Variants in SAR1B observed in about 807,000 individuals in gnomAD.
The protein encoded by SAR1B is secretion associated Ras related GTPase 1B, also known as small COPII coat GTPase SAR1B.
SAR1B carries 23 observed loss-of-function variants against 26.8 expected under a neutral mutation model. The observed-to-expected ratio is 0.86, with a 90% CI of 0.62 to 1.22. SAR1B has a LOEUF of 1.22. Ranked by LOEUF, SAR1B falls within the 50% of genes most tolerant of loss-of-function variation. SAR1B has a pLI of 0.00. For missense variants in SAR1B, 196 were observed against 232.8 expected (o/e 0.84, Z 1.03); for synonymous variants, 65 against 80.8 (o/e 0.80, Z 1.05).
In SAR1B at chr5:134,608,467, T is replaced by C. The variant is rs145826387; in HGVS notation, c.385A>G (p.Ile129Val). Residue 129 changes from isoleucine to valine, a missense_variant, in exon 6 of 7, where the codon ATA (isoleucine) becomes GTA (valine). Transcript: ENST00000402673. Reference sequence around the variant, plus strand: ...TCGATCTTATTCCCAAGAATCAGTATAGGCACATTAGCAATGGTTTCATCT... The same window carrying C: ...TCGATCTTATTCCCAAGAATCAGTACAGGCACATTAGCAATGGTTTCATCT... ...MTDETIANVPILILGNKIDRP... is the reference protein window; with the variant it reads ...MTDETIANVPVLILGNKIDRP... The C allele has an allele frequency of 7.4e-6, 12 of 1,612,424 alleles. No individual in the cohort carries two copies. The African/African-American group carries it at 1.3e-4, about 18-fold the overall frequency.
intron 1 of SAR1B, among the ~76,000 whole-genome samples, chr5:134,628,432 G>C (rs1378987093): frequency 6.6e-6 from 1 of 152,204 alleles, no homozygotes; most frequent in East Asian, 1.9e-4. Flanking sequence ...TATGACATCA[G>C]AGTATGATTG....
At chr5:134,615,603 CA>C (rs1463543633) in intron 3 of SAR1B, among the ~76,000 whole-genome samples, 5 of 144,586 alleles carry the variant, frequency 3.5e-5, no homozygotes, top group Admixed American at 2.1e-4. Context: ...GTCACGAGGT[CA>C]GGAGATCGAG....
At chr5:134,615,992 T>G (rs1420014881) in intron 3 of SAR1B, among the ~76,000 whole-genome samples, 2 of 151,048 alleles carry the variant, frequency 1.3e-5, no homozygotes, top group Non-Finnish European at 2.9e-5. Context: ...ATACAAAAAT[T>G]AGCCAGGCGT....
chr5:134,632,464 C>G (rs1183494313), intron 1 of SAR1B, among the ~76,000 whole-genome samples: 1 of 152,182 alleles, frequency 6.6e-6, no homozygotes, highest in African/African-American at 2.4e-5. Context: ...AGGGGCTTGC[C>G]TGCAGCCACC....
At chr5:134,629,905 A>T (rs1191427179) in intron 1 of SAR1B, among the ~76,000 whole-genome samples, 1 of 151,888 alleles carries the variant, frequency 6.6e-6, no homozygotes, top group Non-Finnish European at 1.5e-5. Context: ...AAAAAGAAAA[A>T]AAAGAAAAAG....
rs1404724631 is a variant in SAR1B, at chr5:134,602,824, G to C, written c.*4126C>G. The stretch of plus-strand genomic sequence containing the variant: ...ACCTGGGAAGCAGAGGTTGCAGTGA[G>C]CCAAGATCGCACCACTGCACTCCAG... On this transcript the variant is annotated 3_prime_UTR_variant, in exon 7 of 7. Coordinates refer to ENST00000402673, the MANE Select transcript of SAR1B (RefSeq NM_016103.4). 6.6e-6 allele frequency: 1 copy of C among 151,954 alleles called. No homozygotes were observed. Among genetic ancestry groups the C allele is most frequent in the East Asian group, 1.9e-4 (1 of 5,184 alleles). 9.4% of individuals were successfully genotyped at this position (151,954 alleles called of 1,614,324 possible). A position where few individuals can be genotyped will look rare whatever the true frequency, so the allele number is the denominator to read the frequency against.
At position 134,624,826 on chromosome 5, in the gene SAR1B, C is replaced by T. The variant is rs1343482115; in HGVS notation, c.-18-789G>A. Reference sequence around the variant, plus strand: ...TATTTTTAGTAGAGACTGGGCTTCACCGTATTGGCCAGGCTGGTCTCCAAC... The same window carrying T: ...TATTTTTAGTAGAGACTGGGCTTCATCGTATTGGCCAGGCTGGTCTCCAAC... On this transcript the variant is annotated intron_variant, in intron 1 of 6. Coordinates refer to ENST00000402673, the MANE Select transcript of SAR1B (RefSeq NM_016103.4). Among the ~76,000 whole-genome samples, 4 of 151,970 alleles carry T rather than the reference C, an allele frequency of 2.6e-5. No individual in the cohort carries two copies. In the South Asian group the frequency reaches 6.2e-4, roughly 24 times the overall value.
At chr5:134,630,375 A>G (rs1032826319) in intron 1 of SAR1B, among the ~76,000 whole-genome samples, 1 of 151,228 alleles carries the variant, frequency 6.6e-6, no homozygotes, top group Non-Finnish European at 1.5e-5. Flanking sequence ...GAATCGCTTG[A>G]ACCCAGGAGG....
chr5:134,628,915 A>C (rs868449970), intron 1 of SAR1B, among the ~76,000 whole-genome samples: 2 of 152,030 alleles, frequency 1.3e-5, no homozygotes, highest in Non-Finnish European at 2.9e-5. Context: ...CGGTGTCCCA[A>C]AGTGCTGGGA....
At chr5:134,619,385 G>A (rs1765367034) in intron 3 of SAR1B, among the ~76,000 whole-genome samples, 1 of 144,670 alleles carries the variant, frequency 6.9e-6, no homozygotes, top group African/African-American at 2.5e-5. Context: ...TAGAGACAGG[G>A]TCTCACTCTG....
At chr5:134,611,585 A>G (rs1765213141) in intron 4 of SAR1B, among the ~76,000 whole-genome samples, 1 of 152,110 alleles carries the variant, frequency 6.6e-6, no homozygotes, top group East Asian at 1.9e-4. Context: ...ATTAAAACAA[A>G]ACAAAAAACA....
Position 134,612,681 on chromosome 5 carries a change from A to AAAAAAAAAAAAAAAAAAAAT in SAR1B, c.244+9_244+10insATTTTTTTTTTTTTTTTTTT. 3.6e-6 allele frequency: 4 copies of AAAAAAAAAAAAAAAAAAAAT among 1,124,730 alleles called. No individual in the cohort carries two copies. The highest frequency in any genetic ancestry group is 4.8e-6 in the Non-Finnish European group (4 of 836,278). 69.7% of individuals were successfully genotyped at this position (1,124,730 alleles called of 1,614,324 possible). On this transcript the variant is annotated intron_variant, in intron 4 of 6. Transcript: ENST00000402673. ...AAAAAAAAAAAAAAAAAAAAAAAAAAGAATCTTACCTTGAACATGTCCACC... is the reference window on the plus strand; with the variant it reads ...AAAAAAAAAAAAAAAAAAAAAAAAAAAAAAAAAAAAAAAAAAAAATGAATCTTACCTTGAACATGTCCACC...
In SAR1B at chr5:134,608,430, G is replaced by A; in HGVS notation, c.422C>T (p.Ala141Val). 2.5e-6 allele frequency: 4 copies of A among 1,609,582 alleles called. No homozygotes were observed. Among genetic ancestry groups the A allele is most frequent in the Non-Finnish European group, 2.5e-6 (3 of 1,178,420 alleles). ...ILGNKIDRPE[A>V]ISEERLREMF... is the part of the protein sequence containing the mutation. Reference sequence around the variant, plus strand: ...CTCTCGCAACCTCTCTTCACTGATGGCTTCAGGTCTGTCGATCTTATTCCC... The same window carrying A: ...CTCTCGCAACCTCTCTTCACTGATGACTTCAGGTCTGTCGATCTTATTCCC... Residue 141 changes from alanine to valine, a missense_variant, in exon 6 of 7, where the codon GCC becomes GTC. Coordinates refer to ENST00000402673, the MANE Select transcript of SAR1B (RefSeq NM_016103.4).
chr5:134,620,500 T>C (rs1765387381), intron 3 of SAR1B, among the ~76,000 whole-genome samples: 1 of 152,154 alleles, frequency 6.6e-6, no homozygotes, highest in African/African-American at 2.4e-5. Context: ...AGGTCACCTA[T>C]AATTTATTAT....
chr5:134,608,228 G>T, intron 6 of SAR1B, 144 bp downstream of exon 6: 1 of 814,410 alleles, frequency 1.2e-6, no homozygotes, highest in Non-Finnish European at 1.9e-6. Flanking sequence ...AAGAAATGAG[G>T]ACATTAAAAA....
intron 5 of SAR1B, chr5:134,608,989 C>A: frequency 2.4e-6 from 1 of 421,574 alleles, no homozygotes. Context: ...GACTTTTCCA[C>A]ACGTACAAGT....
rs34365859 is a variant in SAR1B, at chr5:134,612,641, TAAAAAAAAAAAAAAAAAA to T, written c.244+32_244+49del. 3.1e-3 allele frequency: 2,389 copies of T among 767,096 alleles called. 8 individuals are homozygous for T. The highest frequency in any genetic ancestry group is 7.9e-3 in the East Asian group (84 of 10,592). The allele number at this position is 767,096 out of a possible 1,614,324, so 47.5% of individuals were successfully genotyped here. On this transcript the variant is annotated intron_variant, in intron 4 of 6. Coordinates refer to ENST00000402673, the MANE Select transcript of SAR1B (RefSeq NM_016103.4). ...GCCTGGGAGACAGAGTGAGCCTGTC[TAAAAAAAAAAAAAAAAAA>T]AAAAAAAAAAAAAAAAAAAAAAGAA...
chr5:134,618,019 T>TA (rs1000625925), intron 3 of SAR1B, among the ~76,000 whole-genome samples: 11 of 113,846 alleles, frequency 9.7e-5, no homozygotes, highest in Admixed American at 2.1e-4. Flanking sequence ...TCTCCTAATA[T>TA]AAAAAAAAGA....
intron 3 of SAR1B, among the ~76,000 whole-genome samples, chr5:134,616,351 C>T (rs752026320): frequency 1.3e-5 from 2 of 150,102 alleles, no homozygotes; most frequent in Non-Finnish European, 3.0e-5. Context: ...GCAAGAGAAT[C>T]GCTTGAACCC....
Sources: gnomAD v4.1 joint callset for allele counts (sites outside exome capture counted in the v4.1 genomes callset) on GRCh38, gnomAD v4.1.1 for gene constraint, MANE v1.5 for transcripts, NCBI Gene and HGNC (gene_info 2026-07-23, HGNC 2026-07-21) for gene names.